Variants in HYCC2 observed in about 807,000 individuals in gnomAD.
HYCC2 encodes the protein hyccin 2.
the HYCC2 span, among the ~76,000 whole-genome samples, chr2:201,013,005 AGAG>A: frequency 4.0e-5 from 6 of 151,502 alleles, no homozygotes; most frequent in Non-Finnish European, 7.4e-5. Flanking sequence ...GACGACAATC[AGAG>A]GAGTGAAAAC....
chr2:200,988,395 T>TA, the HYCC2 span: 1 of 1,612,706 alleles, frequency 6.2e-7, no homozygotes. Context: ...CATCAAATGG[T>TA]AATGAGTTTT....
the HYCC2 span, chr2:200,975,162 T>C: frequency 6.6e-6 from 1 of 152,000 alleles, no homozygotes; most frequent in African/African-American, 2.4e-5. Flanking sequence ...TTTATTGACA[T>C]AAGAAAACCT....
At chr2:201,036,835 C>A in the HYCC2 span, among the ~76,000 whole-genome samples, 2 of 152,166 alleles carry the variant, frequency 1.3e-5, no homozygotes, top group Non-Finnish European at 1.5e-5. Context: ...AAAACTGGCA[C>A]AAGATAGGGA....
At chr2:200,975,241 T>C in the HYCC2 span, 1 of 152,032 alleles carries the variant, frequency 6.6e-6, no homozygotes, top group African/African-American at 2.4e-5. Flanking sequence ...ATACTTTATA[T>C]GTTAAAGAGG....
the HYCC2 span, chr2:201,022,873 A>G: frequency 2.2e-5 from 36 of 1,613,648 alleles, no homozygotes; most frequent in Non-Finnish European, 3.0e-5. Flanking sequence ...GGGCTGGTAC[A>G]AGTGTTTTTT....
the HYCC2 span, among the ~76,000 whole-genome samples, chr2:201,033,549 G>A: frequency 4.6e-5 from 7 of 151,602 alleles, no homozygotes; most frequent in East Asian, 1.9e-4. Flanking sequence ...GACTACAGGC[G>A]CCCGCCACCA....
chr2:201,040,101 A>T, the HYCC2 span, among the ~76,000 whole-genome samples: 1 of 151,478 alleles, frequency 6.6e-6, no homozygotes, highest in Non-Finnish European at 1.5e-5. Flanking sequence ...TGAACCCAGG[A>T]GGCAGAGGTT....
the HYCC2 span, among the ~76,000 whole-genome samples, chr2:201,056,396 C>A: frequency 6.6e-6 from 1 of 151,596 alleles, no homozygotes; most frequent in Non-Finnish European, 1.5e-5. Context: ...CTCTGCCAGC[C>A]GGGCGCAGTG....
chr2:201,053,577 A>G, the HYCC2 span, among the ~76,000 whole-genome samples: 10 of 152,350 alleles, frequency 6.6e-5, no homozygotes, highest in Admixed American at 5.9e-4. Flanking sequence ...TAGGCCAGCC[A>G]ACAGCCAGCA....
chr2:201,002,030 A>C, the HYCC2 span, among the ~76,000 whole-genome samples: 1 of 152,164 alleles, frequency 6.6e-6, no homozygotes, highest in South Asian at 2.1e-4. Flanking sequence ...AAATAAATGT[A>C]AAGTCAATAA....
At chr2:200,984,529 G>A in the HYCC2 span, among the ~76,000 whole-genome samples, 5 of 152,166 alleles carry the variant, frequency 3.3e-5, no homozygotes, top group African/African-American at 1.2e-4. Context: ...TAATCCAAAA[G>A]CTTGAGCAGA....
the HYCC2 span, among the ~76,000 whole-genome samples, chr2:201,040,480 T>C: frequency 2.0e-5 from 3 of 150,926 alleles, no homozygotes; most frequent in South Asian, 6.3e-4. Flanking sequence ...TTTGTGAATC[T>C]CATAATTTTT....
At chr2:200,987,400 G>A in the HYCC2 span, 29 of 1,289,704 alleles carry the variant, frequency 2.2e-5, no homozygotes, top group South Asian at 6.2e-5. Context: ...GGGCTCCGGC[G>A]AGCCATGCTC....
At chr2:201,010,825 A>G in the HYCC2 span, among the ~76,000 whole-genome samples, 1 of 151,966 alleles carries the variant, frequency 6.6e-6, no homozygotes, top group Non-Finnish European at 1.5e-5. Context: ...AATTTTTTAA[A>G]AATTCATAAA....
chr2:201,059,701 C>T, the HYCC2 span, among the ~76,000 whole-genome samples: 2 of 152,096 alleles, frequency 1.3e-5, no homozygotes, highest in Non-Finnish European at 2.9e-5. Flanking sequence ...GTCACAACAG[C>T]CCATAGTACT....
At chr2:201,063,488 A>G in the HYCC2 span, 2 of 1,592,434 alleles carry the variant, frequency 1.3e-6, no homozygotes, top group Admixed American at 1.7e-5. Flanking sequence ...AATTGAAGTG[A>G]TTGAAATCAT....
the HYCC2 span, among the ~76,000 whole-genome samples, chr2:201,051,111 T>C: frequency 6.6e-6 from 1 of 152,222 alleles, no homozygotes; most frequent in East Asian, 1.9e-4. Flanking sequence ...TAAAAAGGAA[T>C]TTACTCCAGG....
the HYCC2 span, chr2:200,978,414 A>T: frequency 6.6e-6 from 1 of 151,956 alleles, no homozygotes; most frequent in Admixed American, 6.6e-5. Context: ...ATGTATACAT[A>T]CAAACATATA....
chr2:201,034,138 AGTG>A, the HYCC2 span, among the ~76,000 whole-genome samples: 1 of 151,680 alleles, frequency 6.6e-6, no homozygotes, highest in African/African-American at 2.4e-5. Flanking sequence ...AGAGAAATAT[AGTG>A]GTATTAATTA....
Sources: gnomAD v4.1 joint callset for allele counts (sites outside exome capture counted in the v4.1 genomes callset) on GRCh38, gnomAD v4.1.1 for gene constraint, MANE v1.5 for transcripts, NCBI Gene and HGNC (gene_info 2026-07-23, HGNC 2026-07-21) for gene names.